Variants in THAP12 observed in about 807,000 individuals in gnomAD.
THAP12 encodes the protein THAP domain containing 12.
A neutral mutation model predicts 63.0 loss-of-function variants in THAP12; 20 were observed. The observed-to-expected ratio is 0.32, with a 90% confidence interval of 0.22 to 0.46. The LOEUF is 0.46. Ranked by LOEUF, THAP12 falls within the 20% of genes least tolerant of loss-of-function variation. The pLI is 1.00. For missense variants in THAP12, 568 were observed against 908.2 expected, an observed-to-expected ratio of 0.63 and a Z score of 4.81; for synonymous variants, 264 against 328.4, an observed-to-expected ratio of 0.80 and a Z score of 2.12.
Position 76,350,866 on chromosome 11 carries a change from A to G in THAP12, c.2284T>C (p.Ter762GlnextTer11). The stretch of plus-strand genomic sequence containing the variant: ...GAAAGCCTATTTTTAAAAGTCTCTT[A>G]GGTATTTTCCACAGTTTCGGAATTA... ...TDNSETVENT[*>Q] is the part of the protein sequence containing the mutation. Residue 762 changes from the stop codon to glutamine (Q), a stop_lost, in exon 5 of 5, where the codon TAA becomes CAA. Coordinates refer to ENST00000260045, the MANE Select transcript of THAP12 (RefSeq NM_004705.4). 6.6e-7 allele frequency: 1 copy of G among 1,523,898 alleles called. No individual in the cohort carries two copies. Among genetic ancestry groups the G allele is most frequent in the Non-Finnish European group, 8.8e-7 (1 of 1,140,148 alleles). 94.4% of individuals were successfully genotyped at this position (1,523,898 alleles called of 1,614,324 possible). A position where few individuals can be genotyped will look rare whatever the true frequency, so the allele number is the denominator to read the frequency against.
intron 3 of THAP12, chr11:76,357,770 A>AAT (rs1296778718): frequency 6.6e-6 from 1 of 152,184 alleles, no homozygotes; most frequent in Non-Finnish European, 1.5e-5. Flanking sequence ...ATGTTAACAA[A>AAT]ATAGAGAAAT....
intron 2 of THAP12, among the ~76,000 whole-genome samples, chr11:76,363,674 G>A (rs1946613204): frequency 1.3e-5 from 2 of 152,098 alleles, no homozygotes; most frequent in South Asian, 2.1e-4. Flanking sequence ...CTGCAACCTC[G>A]GCCTCCTTGG....
At position 76,374,246 on chromosome 11, in the gene THAP12, G is replaced by A. The variant is rs1199319307; in HGVS notation, c.89+6502C>T. ...AGACCAGACCAATGAGCTTTTTCATGCCCTAGTACATAAAAAATCCCATAG... is the reference window on the plus strand; with the variant it reads ...AGACCAGACCAATGAGCTTTTTCATACCCTAGTACATAAAAAATCCCATAG... On this transcript the variant is annotated intron_variant, in intron 1 of 4. Transcript: ENST00000260045. Among the ~76,000 whole-genome samples the A allele has an allele frequency of 2.0e-5, 3 of 152,122 alleles. No individual in the cohort carries two copies. The East Asian group carries it at 5.8e-4, about 29-fold the overall frequency.
chr11:76,370,202 GA>G (rs1946661174), intron 1 of THAP12, among the ~76,000 whole-genome samples: 1 of 152,166 alleles, frequency 6.6e-6, no homozygotes, highest in Non-Finnish European at 1.5e-5. Flanking sequence ...TACCACTGGG[GA>G]GAATGGGATA....
chr11:76,380,456 G>A (rs1946746548), intron 1 of THAP12, among the ~76,000 whole-genome samples: 1 of 152,204 alleles, frequency 6.6e-6, no homozygotes, highest in Admixed American at 6.5e-5. Flanking sequence ...GAGCCACGGC[G>A]AGAACCCACA....
chr11:76,364,896 G>T (rs1334357126), intron 2 of THAP12, among the ~76,000 whole-genome samples: 6 of 152,072 alleles, frequency 3.9e-5, no homozygotes, highest in African/African-American at 1.4e-4. Context: ...AAGCTCTAAA[G>T]AGCTCCAAAT....
chr11:76,376,931 G>A (rs1301796778), intron 1 of THAP12, among the ~76,000 whole-genome samples: 1 of 151,854 alleles, frequency 6.6e-6, no homozygotes, highest in Non-Finnish European at 1.5e-5. Flanking sequence ...CTAAAATTTG[G>A]GTAAAAGGAA....
At chr11:76,362,850 T>C (rs1326059423) in intron 2 of THAP12, among the ~76,000 whole-genome samples, 1 of 152,212 alleles carries the variant, frequency 6.6e-6, no homozygotes. Flanking sequence ...ATTTTACAAA[T>C]ATTTATTTTG....
chr11:76,355,536 C>T (rs1028689633), intron 4 of THAP12, 82 bp downstream of exon 4: 1 of 1,303,170 alleles, frequency 7.7e-7, no homozygotes, highest in Non-Finnish European at 1.1e-6. Context: ...GTTTTCAACA[C>T]AGAACATATT....
intron 2 of THAP12, among the ~76,000 whole-genome samples, chr11:76,365,498 C>G (rs149655718): frequency 1.3e-5 from 2 of 152,154 alleles, no homozygotes; most frequent in Non-Finnish European, 2.9e-5. Context: ...ATCCTCCCAT[C>G]TCAGCTTCCC....
In THAP12 at chr11:76,381,129, A is replaced by C. The variant is rs559055759; in HGVS notation, c.-293T>G. 5.9e-5 allele frequency among the ~76,000 whole-genome samples: 9 copies of C among 151,982 alleles called. No individual in the cohort carries two copies. The highest frequency in any genetic ancestry group is 5.2e-4 in the Admixed American group (8 of 15,284). Reference sequence around the variant, plus strand: ...GAGACGCTGCCGCCTCCTTCCCACAATGCACCCTGACGCCCGGGGGTGCCC... The same window carrying C: ...GAGACGCTGCCGCCTCCTTCCCACACTGCACCCTGACGCCCGGGGGTGCCC... On this transcript the variant is annotated 5_prime_UTR_variant, in exon 1 of 5. Coordinates refer to ENST00000260045, the MANE Select transcript of THAP12 (RefSeq NM_004705.4).
rs1346243361 is a variant in THAP12 at position 76,350,588 on chromosome 11, T to C, written c.*276A>G. Reference sequence around the variant, plus strand: ...ATCCACAGTGATAATAAATGCTATGTCTAAAATGACTTAACTGAAACAATT... The same window carrying C: ...ATCCACAGTGATAATAAATGCTATGCCTAAAATGACTTAACTGAAACAATT... On this transcript the variant is annotated 3_prime_UTR_variant, in exon 5 of 5. Transcript: ENST00000260045. 7.8e-6 allele frequency: 2 copies of C among 256,230 alleles called. No individual in the cohort carries two copies. The highest frequency in any genetic ancestry group is 4.4e-5 in the African/African-American group (2 of 45,172). 15.9% of individuals were successfully genotyped at this position (256,230 alleles called of 1,614,324 possible). A position where few individuals can be genotyped will look rare whatever the true frequency, so the allele number is the denominator to read the frequency against.
intron 4 of THAP12, among the ~76,000 whole-genome samples, chr11:76,353,355 A>G (rs1158592372): frequency 1.3e-5 from 2 of 152,208 alleles, no homozygotes; most frequent in African/African-American, 4.8e-5. Context: ...CACTTGACAA[A>G]CAAGGACACT....
intron 1 of THAP12, among the ~76,000 whole-genome samples, chr11:76,375,242 A>G (rs1366514091): frequency 6.6e-6 from 1 of 152,030 alleles, no homozygotes; most frequent in Non-Finnish European, 1.5e-5. Context: ...GGAAGAAGAG[A>G]GCTTCAACGC....
At chr11:76,367,602 T>C (rs776889838) in intron 1 of THAP12, among the ~76,000 whole-genome samples, 14 of 151,650 alleles carry the variant, frequency 9.2e-5, no homozygotes, top group Non-Finnish European at 1.5e-4. Flanking sequence ...TTTGTATTTA[T>C]AGTACAGATG....
At chr11:76,368,031 G>A (rs1409208649) in intron 1 of THAP12, among the ~76,000 whole-genome samples, 2 of 152,052 alleles carry the variant, frequency 1.3e-5, no homozygotes, top group Non-Finnish European at 2.9e-5. Flanking sequence ...GTATAAAAAC[G>A]ATCTCACTAT....
At chr11:76,368,469 CACA>C (rs1265678891) in intron 1 of THAP12, 1 of 152,066 alleles carries the variant, frequency 6.6e-6, no homozygotes, top group Non-Finnish European at 1.5e-5. Context: ...ACTTTTTATA[CACA>C]ACATTAAAGA....
intron 3 of THAP12, 65 bp from the exon 4 acceptor site, chr11:76,355,719 A>G (rs907841610): frequency 3.8e-6 from 5 of 1,327,174 alleles, no homozygotes; most frequent in Non-Finnish European, 4.1e-6. Context: ...CTAGTGTATC[A>G]TCTTAGACTC....
chr11:76,361,990 AT>A (rs1305624186), intron 2 of THAP12, among the ~76,000 whole-genome samples: 1 of 152,202 alleles, frequency 6.6e-6, no homozygotes, highest in East Asian at 1.9e-4. Flanking sequence ...TAATCATCTT[AT>A]GAAAGAATGA....
Sources: gnomAD v4.1 joint callset for allele counts (sites outside exome capture counted in the v4.1 genomes callset) on GRCh38, gnomAD v4.1.1 for gene constraint, MANE v1.5 for transcripts, NCBI Gene and HGNC (gene_info 2026-07-23, HGNC 2026-07-21) for gene names.